PRKG1: variants seen among roughly 807,000 people sequenced by gnomAD.
The protein encoded by PRKG1 is cGMP-dependent protein kinase 1.
A neutral mutation model predicts 88.1 loss-of-function variants in PRKG1; 35 were observed. The ratio of observed to expected loss-of-function variants is 0.40; its 90% confidence interval spans 0.30 to 0.53. PRKG1 has a LOEUF of 0.53. Ranked by LOEUF, PRKG1 falls within the 20% of genes least tolerant of loss-of-function variation. The pLI, the probability that PRKG1 is intolerant of heterozygous loss-of-function variation, is 0.59. For synonymous variants in PRKG1, 303 were observed against 292.5 expected, an observed-to-expected ratio of 1.04 and a Z score of -0.37; for missense variants, 540 against 839.8, an observed-to-expected ratio of 0.64 and a Z score of 4.41.
At chr10:51,617,345 G>A (rs1839085761) in intron 3 of PRKG1, among the ~76,000 whole-genome samples, 1 of 152,038 alleles carries the variant, frequency 6.6e-6, no homozygotes, top group African/African-American at 2.4e-5. Context: ...TCTATTTGAA[G>A]TGTGATTATC....
chr10:51,645,779 T>C (rs1207821844), intron 3 of PRKG1, among the ~76,000 whole-genome samples: 1 of 152,154 alleles, frequency 6.6e-6, no homozygotes, highest in African/African-American at 2.4e-5. Flanking sequence ...ACAGCAAAAT[T>C]AGTATTACCA....
At chr10:51,502,722 T>C (rs945604502) in intron 3 of PRKG1, among the ~76,000 whole-genome samples, 1 of 152,162 alleles carries the variant, frequency 6.6e-6, no homozygotes, top group Non-Finnish European at 1.5e-5. Flanking sequence ...TTATAAAATG[T>C]CTTTTTGAGT....
chr10:52,045,240 C>T (rs1377358180), intron 5 of PRKG1, among the ~76,000 whole-genome samples: 1 of 151,972 alleles, frequency 6.6e-6, no homozygotes, highest in East Asian at 1.9e-4. Context: ...ATATTCTATC[C>T]CCACAATATC....
intron 1 of PRKG1, among the ~76,000 whole-genome samples, chr10:51,098,377 C>G (rs980114130): frequency 6.6e-6 from 1 of 152,114 alleles, no homozygotes; most frequent in South Asian, 2.1e-4. Flanking sequence ...TCACCTTTCC[C>G]GTGTCCCAGA....
chr10:52,222,761 T>C (rs1276009582), intron 9 of PRKG1, among the ~76,000 whole-genome samples: 1 of 152,206 alleles, frequency 6.6e-6, no homozygotes, highest in East Asian at 1.9e-4. Context: ...GCCTACCACA[T>C]ATTATGCAGT....
chr10:51,781,715 G>A (rs1268116595), intron 3 of PRKG1, among the ~76,000 whole-genome samples: 1 of 152,012 alleles, frequency 6.6e-6, no homozygotes, highest in Non-Finnish European at 1.5e-5. Context: ...ACTGGAGAGG[G>A]GCAGGAAAAG....
chr10:52,072,326 C>T (rs776335469), intron 7 of PRKG1, among the ~76,000 whole-genome samples: 1 of 151,798 alleles, frequency 6.6e-6, no homozygotes, highest in Non-Finnish European at 1.5e-5. Flanking sequence ...GGATTTGTGG[C>T]TGTCCAAAAC....
At chr10:51,672,942 G>A (rs532063552) in intron 3 of PRKG1, among the ~76,000 whole-genome samples, 34 of 152,252 alleles carry the variant, frequency 2.2e-4, no homozygotes, top group Admixed American at 3.9e-4. Context: ...ATAGGCACAT[G>A]ATTTGTTCAA....
At chr10:51,644,576 T>C (rs1276048997) in intron 3 of PRKG1, among the ~76,000 whole-genome samples, 1 of 152,198 alleles carries the variant, frequency 6.6e-6, no homozygotes, top group East Asian at 1.9e-4. Context: ...TTTCTATAGA[T>C]CTAGTAGTCT....
At chr10:51,440,201 A>G (rs914350926) in intron 2 of PRKG1, among the ~76,000 whole-genome samples, 111 of 150,174 alleles carry the variant, frequency 7.4e-4, no homozygotes, top group Admixed American at 1.7e-3. Context: ...GTGCAGTTTG[A>G]TTTTTTTTTT....
At chr10:51,393,054 T>G (rs1250186735) in intron 2 of PRKG1, among the ~76,000 whole-genome samples, 2 of 141,916 alleles carry the variant, frequency 1.4e-5, no homozygotes, top group Non-Finnish European at 3.1e-5. Flanking sequence ...GGCTCCTCAC[T>G]TCTCAGGCGG....
At chr10:51,735,517 G>T (rs1236323721) in intron 3 of PRKG1, among the ~76,000 whole-genome samples, 2 of 151,992 alleles carry the variant, frequency 1.3e-5, no homozygotes, top group East Asian at 3.9e-4. Context: ...AATAATTGAG[G>T]AATCATGCCT....
intron 2 of PRKG1, among the ~76,000 whole-genome samples, chr10:51,213,475 A>G (rs1292574949): frequency 6.6e-6 from 1 of 152,266 alleles, no homozygotes; most frequent in East Asian, 1.9e-4. Flanking sequence ...ATAATAAAAA[A>G]AATGAGTAGT....
At position 51,167,191 on chromosome 10, in the gene PRKG1, AAG is replaced by A. The variant is rs200449841; in HGVS notation, c.478+13865_478+13866del. 9.2e-3 allele frequency among the ~76,000 whole-genome samples: 1,397 copies of A among 152,290 alleles called. 19 individuals are homozygous for A. The highest frequency in any genetic ancestry group is 0.037 in the Middle Eastern group (11 of 294). The stretch of plus-strand genomic sequence containing the variant: ...AAAAATAAATACAACAGGGTGATGA[AAG>A]AGAATCGTGGAGGCAATGACTGTGT... On this transcript the variant is annotated intron_variant, in intron 2 of 17. Coordinates refer to ENST00000373980, the MANE Select transcript of PRKG1 (RefSeq NM_006258.4).
At chr10:52,174,849 A>AT (rs1222856499) in intron 9 of PRKG1, among the ~76,000 whole-genome samples, 3 of 152,050 alleles carry the variant, frequency 2.0e-5, no homozygotes, top group African/African-American at 7.2e-5. Flanking sequence ...CTACATTGTT[A>AT]TATCAATGCA....
chr10:51,932,691 T>A (rs1219940232), intron 5 of PRKG1, among the ~76,000 whole-genome samples: 1 of 152,124 alleles, frequency 6.6e-6, no homozygotes, highest in African/African-American at 2.4e-5. Context: ...GCCAGGGCAG[T>A]TCTAACAAGG....
At chr10:51,950,978 G>A (rs1443109794) in intron 5 of PRKG1, among the ~76,000 whole-genome samples, 1 of 152,222 alleles carries the variant, frequency 6.6e-6, no homozygotes, top group East Asian at 1.9e-4. Context: ...GCTGAGTCCC[G>A]GAGCTTTTAT....
intron 1 of PRKG1, among the ~76,000 whole-genome samples, chr10:51,128,688 A>G (rs1845492072): frequency 6.6e-6 from 1 of 152,192 alleles, no homozygotes; most frequent in Non-Finnish European, 1.5e-5. Flanking sequence ...CTTTTGTAGA[A>G]TCTTACTTTT....
At chr10:51,616,514 A>G (rs1839060427) in intron 3 of PRKG1, among the ~76,000 whole-genome samples, 1 of 152,112 alleles carries the variant, frequency 6.6e-6, no homozygotes, top group Admixed American at 6.5e-5. Context: ...AGGTGGTGGT[A>G]GCAGCAGGGT....
Sources: gnomAD v4.1 joint callset for allele counts (sites outside exome capture counted in the v4.1 genomes callset) on GRCh38, gnomAD v4.1.1 for gene constraint, MANE v1.5 for transcripts, NCBI Gene and HGNC (gene_info 2026-07-23, HGNC 2026-07-21) for gene names.